Variants in FADS1 observed in about 807,000 individuals in gnomAD.
FADS1 encodes the protein acyl-CoA (8-3)-desaturase.
Under a neutral mutation model 61.6 loss-of-function variants are expected in FADS1, and 17 were observed. The observed-to-expected ratio is 0.28, with a 90% CI of 0.19 to 0.41. The LOEUF is 0.41. Ranked by LOEUF, FADS1 falls within the 10% of genes least tolerant of loss-of-function variation. FADS1 has a pLI of 1.00. For missense variants in FADS1, 387 were observed against 650.9 expected (o/e 0.59, Z 4.41); for synonymous variants, 238 against 258.7 (o/e 0.92, Z 0.77).
Position 61,816,126 on chromosome 11 carries a change from C to T in FADS1, c.375+429G>A. 2.6e-6 allele frequency: 2 copies of T among 783,280 alleles called. No homozygotes were observed. Among genetic ancestry groups the T allele is most frequent in the South Asian group, 1.8e-5 (1 of 54,666 alleles). The allele number at this position is 783,280 out of a possible 1,614,324, so 48.5% of individuals were successfully genotyped here. On this transcript the variant is annotated intron_variant, in intron 1 of 11. Coordinates refer to ENST00000350997, the MANE Select transcript of FADS1 (RefSeq NM_013402.7). This position sits in a 1 kb window ranked among gnomAD's most constrained non-coding sequence, Gnocchi z 7.0. ...GCACCTAGGTCCAGACGCGGCTGCGCTGCCTCTCCTAGCCATCGAGACAGG... is the reference window on the plus strand; with the variant it reads ...GCACCTAGGTCCAGACGCGGCTGCGTTGCCTCTCCTAGCCATCGAGACAGG...
In FADS1 at chr11:61,816,128, G is replaced by GA; in HGVS notation, c.375+426_375+427insT. On this transcript the variant is annotated intron_variant, in intron 1 of 11. Coordinates refer to ENST00000350997, the MANE Select transcript of FADS1 (RefSeq NM_013402.7). The surrounding 1 kb of genome is among the most constrained non-coding windows in gnomAD (Gnocchi z 7.0). Reference sequence around the variant, plus strand: ...ACCTAGGTCCAGACGCGGCTGCGCTGCCTCTCCTAGCCATCGAGACAGGAT... The same window carrying GA: ...ACCTAGGTCCAGACGCGGCTGCGCTGACCTCTCCTAGCCATCGAGACAGGAT... 1 of 791,938 alleles carries GA rather than the reference G, an allele frequency of 1.3e-6. No homozygotes were observed. Among genetic ancestry groups the GA allele is most frequent in the Non-Finnish European group, 2.0e-6 (1 of 510,954 alleles). 49.1% of individuals were successfully genotyped at this position (791,938 alleles called of 1,614,324 possible).
Position 61,802,296 on chromosome 11 carries a change from C to G in FADS1, c.*115G>C, listed in dbSNP as rs2066860725. 1 of 976,622 alleles carries G rather than the reference C, an allele frequency of 1.0e-6. No homozygotes were observed. Among genetic ancestry groups the G allele is most frequent in the East Asian group, 2.6e-5 (1 of 38,314 alleles). The allele number at this position is 976,622 out of a possible 1,614,324, so 60.5% of individuals were successfully genotyped here. A position where few individuals can be genotyped will look rare whatever the true frequency, so the allele number is the denominator to read the frequency against. ...AGTTTGAGTCAGAGGCTTTATGTCC[C>G]CAAACCCAACCCCCTCTGAGTATTA... On this transcript the variant is annotated 3_prime_UTR_variant, in exon 12 of 12. Transcript: ENST00000350997. The surrounding 1 kb of genome is among the most constrained non-coding windows in gnomAD (Gnocchi z 4.2).
Position 61,803,661 on chromosome 11 carries a change from G to A in FADS1, c.1151+9C>T, listed in dbSNP as rs370512028. On this transcript the variant is annotated intron_variant, in intron 8 of 11. Coordinates refer to ENST00000350997, the MANE Select transcript of FADS1 (RefSeq NM_013402.7). This position sits in a 1 kb window ranked among gnomAD's most constrained non-coding sequence, Gnocchi z 4.3. ...TCACCAGTCCCTATCCGCCCCCACCGAATACTACCTGACTATGAAGAAAAG... is the reference window on the plus strand; with the variant it reads ...TCACCAGTCCCTATCCGCCCCCACCAAATACTACCTGACTATGAAGAAAAG... The A allele has an allele frequency of 1.2e-5, 20 of 1,606,056 alleles. No individual in the cohort carries two copies. The highest frequency in any genetic ancestry group is 4.5e-5 in the East Asian group (2 of 44,824).
chr11:61,816,613 G>T lies in FADS1; in HGVS notation c.317C>A (p.Thr106Asn). Residue 106 changes from threonine to asparagine, a missense_variant, in exon 1 of 12, where the codon ACC (threonine) becomes AAC (asparagine). Thr to Asn is a moderately conservative substitution (Grantham distance 65). This residue lies in a region of FADS1 where 257 missense variants were observed against 533.3 expected (regional missense o/e 0.48). Transcript: ENST00000350997. The surrounding 1 kb of genome is among the most constrained non-coding windows in gnomAD (Gnocchi z 7.0). ...CCGGGAGCCCCCTGGATGCCGGCGG[G>T]TGAACTCGCTGATGTTGTACACCTT... is the stretch of plus-strand genomic sequence containing the variant. ...DRKVYNISEFTRRHPGGSRVI... is the reference protein window; with the variant it reads ...DRKVYNISEFNRRHPGGSRVI... 1 of 1,605,422 alleles carries T rather than the reference G, an allele frequency of 6.2e-7. No homozygotes were observed.
rs1393208208 is a variant in FADS1 at position 61,803,729 on chromosome 11, G to C, written c.1092C>G (p.Phe364Leu). The change falls in exon 8 of 12, where the codon TTC becomes TTG. Residue 364 changes from phenylalanine to leucine, a missense_variant. Around this residue, in one of 2 missense-constraint regions of FADS1, gnomAD observed 257 missense variants for 533.3 expected, o/e 0.48. Transcript: ENST00000350997. This position sits in a 1 kb window ranked among gnomAD's most constrained non-coding sequence, Gnocchi z 4.3. ...AWMITFYVRFFLTYVPLLGLK... is the reference protein window; with the variant it reads ...AWMITFYVRFLLTYVPLLGLK... ...GCCCCAATAGTGGCACATAAGTGAG[G>C]AAGAAGCGGACGTAGAAGGTAATCA... 6.2e-7 allele frequency: 1 copy of C among 1,613,902 alleles called. No homozygotes were observed. The highest frequency in any genetic ancestry group is 8.5e-7 in the Non-Finnish European group (1 of 1,179,874).
At chr11:61,804,592 A>G (rs2135935010) in intron 7 of FADS1, 93 bp downstream of exon 7, 1 of 935,654 alleles carries the variant, frequency 1.1e-6, no homozygotes, top group Non-Finnish European at 1.7e-6. Flanking sequence ...AATTAGGCCT[A>G]GAGTCAGTCT....
chr11:61,813,142 T>A (rs1031440932), intron 2 of FADS1, 101 bp downstream of exon 2: 5 of 791,700 alleles, frequency 6.3e-6, no homozygotes, highest in African/African-American at 1.7e-5. Flanking sequence ...TACTACTGAC[T>A]GTGATTACTA....
chr11:61,806,619 A>G, intron 6 of FADS1, 45 bp downstream of exon 6: 1 of 1,543,532 alleles, frequency 6.5e-7, no homozygotes, highest in Non-Finnish European at 9.0e-7. Context: ...TTCCCTCAGC[A>G]TTCCCTCCTG....
Position 61,804,088 on chromosome 11 carries a change from C to G in FADS1, c.1054-321G>C, listed in dbSNP as rs1032037262. 7.6e-6 allele frequency: 3 copies of G among 392,986 alleles called. No individual in the cohort carries two copies. The South Asian group carries it at 9.0e-5, about 12-fold the overall frequency. 24.3% of individuals were successfully genotyped at this position (392,986 alleles called of 1,614,324 possible). A position where few individuals can be genotyped will look rare whatever the true frequency, so the allele number is the denominator to read the frequency against. Reference sequence around the variant, plus strand: ...TGCCAGGACCATGGCTCAGTCCATGCCAGTGCCCTGATCAAATCTCTCATC... The same window carrying G: ...TGCCAGGACCATGGCTCAGTCCATGGCAGTGCCCTGATCAAATCTCTCATC... On this transcript the variant is annotated intron_variant, in intron 7 of 11. Coordinates refer to ENST00000350997, the MANE Select transcript of FADS1 (RefSeq NM_013402.7).
Position 61,802,353 on chromosome 11 carries a change from T to A in FADS1, c.*58A>T. 6.8e-7 allele frequency: 1 copy of A among 1,463,514 alleles called. No homozygotes were observed. Among genetic ancestry groups the A allele is most frequent in the Non-Finnish European group, 9.4e-7 (1 of 1,066,108 alleles). The allele number at this position is 1,463,514 out of a possible 1,614,324, so 90.7% of individuals were successfully genotyped here. On this transcript the variant is annotated 3_prime_UTR_variant, in exon 12 of 12. Coordinates refer to ENST00000350997, the MANE Select transcript of FADS1 (RefSeq NM_013402.7). This position sits in a 1 kb window ranked among gnomAD's most constrained non-coding sequence, Gnocchi z 4.2. ...AGTGGCATTGTCCCTCAAGCTCCCCTCTGCCTTGGCTCCAGAGTCTTCCTC... is the reference window on the plus strand; with the variant it reads ...AGTGGCATTGTCCCTCAAGCTCCCCACTGCCTTGGCTCCAGAGTCTTCCTC...
rs2066850983 is a variant in FADS1, at chr11:61,800,741, G to C, written c.*1670C>G. On this transcript the variant is annotated 3_prime_UTR_variant, in exon 12 of 12. Transcript: ENST00000350997. Reference sequence around the variant, plus strand: ...TAAAATGATCAATATGCCTAGAGTAGATGCTGCTGAAGAGGCAAAGTAGTA... The same window carrying C: ...TAAAATGATCAATATGCCTAGAGTACATGCTGCTGAAGAGGCAAAGTAGTA... 6.6e-6 allele frequency: 1 copy of C among 152,358 alleles called. No individual in the cohort carries two copies. Among genetic ancestry groups the C allele is most frequent in the South Asian group, 2.1e-4 (1 of 4,830 alleles). 9.4% of individuals were successfully genotyped at this position (152,358 alleles called of 1,614,324 possible).
chr11:61,800,894 T>C lies in FADS1; in HGVS notation c.*1517A>G, dbSNP rs1384916256. 6.6e-6 allele frequency: 1 copy of C among 152,366 alleles called. No individual in the cohort carries two copies. The highest frequency in any genetic ancestry group is 6.5e-5 in the Admixed American group (1 of 15,284). 9.4% of individuals were successfully genotyped at this position (152,366 alleles called of 1,614,324 possible). On this transcript the variant is annotated 3_prime_UTR_variant, in exon 12 of 12. Transcript: ENST00000350997. ...TCTCTGGAGAGATGGGCTAAACTGTTTATCTTTTAAAAACCAGATGATTAA... is the reference window on the plus strand; with the variant it reads ...TCTCTGGAGAGATGGGCTAAACTGTCTATCTTTTAAAAACCAGATGATTAA...
rs777508094 is a variant in FADS1 at position 61,802,921 on chromosome 11, A to G, written c.1334T>C (p.Phe445Ser). The G allele has an allele frequency of 6.2e-7, 1 of 1,613,792 alleles. No homozygotes were observed. Among genetic ancestry groups the G allele is most frequent in the Non-Finnish European group, 8.5e-7 (1 of 1,179,760 alleles). Residue 445 changes from phenylalanine (F) to serine (S), a missense_variant, in exon 11 of 12, where the codon TTT (phenylalanine) becomes TCT (serine). Around this residue, in one of 2 missense-constraint regions of FADS1, gnomAD observed 257 missense variants for 533.3 expected, o/e 0.48. Coordinates refer to ENST00000350997, the MANE Select transcript of FADS1 (RefSeq NM_013402.7). The surrounding 1 kb of genome is among the most constrained non-coding windows in gnomAD (Gnocchi z 4.2). ...HLNFQIEHHL[F>S]PTMPRHNYHK... The stretch of plus-strand genomic sequence containing the variant: ...GTAATTGTGTCGAGGCATCGTGGGA[A>G]AAAGACTTTAGGGAGAACGGGGGAG...
chr11:61,806,930 G>A (rs1434406265), intron 5 of FADS1, among the ~76,000 whole-genome samples: 1 of 152,174 alleles, frequency 6.6e-6, no homozygotes, highest in Non-Finnish European at 1.5e-5. Context: ...TCACACCATG[G>A]CCTGCAGCTG....
Position 61,803,322 on chromosome 11 carries a change from A to G in FADS1, c.1248+41T>C. The G allele has an allele frequency of 6.6e-7, 1 of 1,515,326 alleles. No individual in the cohort carries two copies. The highest frequency in any genetic ancestry group is 9.2e-7 in the Non-Finnish European group (1 of 1,089,994). 93.9% of individuals were successfully genotyped at this position (1,515,326 alleles called of 1,614,324 possible). A position where few individuals can be genotyped will look rare whatever the true frequency, so the allele number is the denominator to read the frequency against. On this transcript the variant is annotated intron_variant, in intron 9 of 11. Coordinates refer to ENST00000350997, the MANE Select transcript of FADS1 (RefSeq NM_013402.7). This position sits in a 1 kb window ranked among gnomAD's most constrained non-coding sequence, Gnocchi z 4.3. ...TTTTCACCTACGCATCCTTTTCAAT[A>G]GTTGTGTTATGCTCCAGTCTTCTGA... is the stretch of plus-strand genomic sequence containing the variant.
chr11:61,805,766 C>G (rs1442894984), intron 6 of FADS1: 1 of 152,212 alleles, frequency 6.6e-6, no homozygotes, highest in East Asian at 1.9e-4. Context: ...AACAAGATCT[C>G]ACTCTGTTGC....
intron 5 of FADS1, 50 bp from the exon 6 acceptor site, chr11:61,806,774 C>T (rs761904086): frequency 1.9e-6 from 3 of 1,550,270 alleles, no homozygotes; most frequent in Admixed American, 3.3e-5. Context: ...TGATTCCTCC[C>T]TCTGTGACTT....
Position 61,803,559 on chromosome 11 carries a change from A to G in FADS1, c.1152-100T>C. 1 of 1,350,198 alleles carries G rather than the reference A, an allele frequency of 7.4e-7. No homozygotes were observed. Among genetic ancestry groups the G allele is most frequent in the Non-Finnish European group, 1.1e-6 (1 of 939,864 alleles). The allele number at this position is 1,350,198 out of a possible 1,614,324, so 83.6% of individuals were successfully genotyped here. A position where few individuals can be genotyped will look rare whatever the true frequency, so the allele number is the denominator to read the frequency against. On this transcript the variant is annotated intron_variant, in intron 8 of 11. Transcript: ENST00000350997. The surrounding 1 kb of genome is among the most constrained non-coding windows in gnomAD (Gnocchi z 4.3). Reference sequence around the variant, plus strand: ...TCCAGCCTGTCTACTTTCCCAAGCCAACTCCTGAAACACCCACTGTTACCC... The same window carrying G: ...TCCAGCCTGTCTACTTTCCCAAGCCGACTCCTGAAACACCCACTGTTACCC...
At chr11:61,813,428 ATC>A (rs2066945987) in intron 1 of FADS1, 75 bp from the exon 2 acceptor site, 1 of 830,514 alleles carries the variant, frequency 1.2e-6, no homozygotes, top group Non-Finnish European at 2.0e-6. Flanking sequence ...ACCAAAGGCC[ATC>A]CTCCTGCCCG....
Sources: gnomAD v4.1 joint callset for allele counts (sites outside exome capture counted in the v4.1 genomes callset) on GRCh38, gnomAD v4.1.1 for gene constraint, gnomAD v4.1.1 regional missense constraint, Gnocchi (gnomAD v3.1) non-coding constraint, MANE v1.5 for transcripts, NCBI Gene and HGNC (gene_info 2026-07-23, HGNC 2026-07-21) for gene names.